The following FAM199X variants were observed in gnomAD, a reference collection of about 807,000 sequenced individuals.
FAM199X encodes protein FAM199X.
FAM199X carries 4 observed loss-of-function variants against 22.9 expected under a neutral mutation model. The ratio of observed to expected loss-of-function variants is 0.17; its 90% CI spans 0.09 to 0.40. The LOEUF (loss-of-function observed/expected upper bound fraction) is 0.40, where lower values mean the gene tolerates loss of function less well. Among genes scored for constraint, FAM199X ranks in the 10% least tolerant of loss-of-function variants. FAM199X has a pLI of 1.00. For synonymous variants in FAM199X, 101 were observed against 112.3 expected (o/e 0.90, Z 0.64); for missense variants, 183 against 306.8 (o/e 0.60, Z 3.01).
intron 4 of FAM199X, 33 bp downstream of exon 4, chrX:104,186,654 TA>T (rs1556379214): frequency 1.1e-5 from 12 of 1,105,508 alleles, no homozygotes; most frequent in Non-Finnish European, 1.5e-5. Context: ...ATTTACCTAT[TA>T]AAAATACCAC....
chrX:104,181,934 C>T (rs1261842733), intron 2 of FAM199X, among the ~76,000 whole-genome samples: 1 of 109,930 alleles, frequency 9.1e-6, no homozygotes, highest in East Asian at 2.8e-4. Context: ...CTCTTTATTA[C>T]CTTATCCATT....
chrX:104,164,158 A>T (rs912513992), upstream of FAM199X, among the ~76,000 whole-genome samples: 1 of 112,718 alleles, frequency 8.9e-6, no homozygotes, highest in African/African-American at 3.2e-5. Context: ...AATGTGGTAT[A>T]TATGATGAAA....
intron 1 of FAM199X, among the ~76,000 whole-genome samples, chrX:104,170,480 C>G (rs1383984486): frequency 9.0e-6 from 1 of 111,173 alleles, no homozygotes; most frequent in Non-Finnish European, 1.9e-5. Flanking sequence ...CTACAGGTTA[C>G]AAAGGTTGAG....
At chrX:104,187,388 A>G (rs1255454404) in intron 4 of FAM199X, among the ~76,000 whole-genome samples, 1 of 112,106 alleles carries the variant, frequency 8.9e-6, no homozygotes, top group East Asian at 2.8e-4. Context: ...GGCCTCTGGT[A>G]TCTTCTAAAT....
At chrX:104,159,481 TC>T in the FAM199X span, among the ~76,000 whole-genome samples, 1 of 112,477 alleles carries the variant, frequency 8.9e-6, no homozygotes, top group East Asian at 2.8e-4. Flanking sequence ...GGAGATGTGT[TC>T]CTAGCATCCT....
chrX:104,187,723 A>G (rs1192546803), intron 4 of FAM199X, among the ~76,000 whole-genome samples: 3 of 111,287 alleles, frequency 2.7e-5, no homozygotes, highest in Non-Finnish European at 5.7e-5. Context: ...AATCTCATCT[A>G]TTTTATTTTA....
chrX:104,165,067 CT>C (rs1280618519), upstream of FAM199X, among the ~76,000 whole-genome samples: 4 of 111,446 alleles, frequency 3.6e-5, no homozygotes, highest in Admixed American at 2.9e-4. Flanking sequence ...CCTCAGACCC[CT>C]GGGGATTGGT....
intron 2 of FAM199X, among the ~76,000 whole-genome samples, chrX:104,184,426 T>C (rs2147895822): frequency 8.9e-6 from 1 of 112,137 alleles, no homozygotes; most frequent in Admixed American, 9.5e-5. Flanking sequence ...TGTCATTTGC[T>C]CCTTGTAGAA....
intron 2 of FAM199X, among the ~76,000 whole-genome samples, chrX:104,180,144 T>G (rs1921609842): frequency 9.3e-6 from 1 of 107,166 alleles, no homozygotes; most frequent in African/African-American, 3.4e-5. Context: ...CAACCAGCTA[T>G]TTTTTTTTAA....
chrX:104,178,600 A>C (rs782264159), intron 2 of FAM199X, among the ~76,000 whole-genome samples: 30 of 111,638 alleles, frequency 2.7e-4, no homozygotes, highest in Admixed American at 9.6e-5. Context: ...ATTATTTTGC[A>C]TGTAGGTATC....
In FAM199X at chrX:104,166,668, G is replaced by A. The variant is rs1233736582; in HGVS notation, c.-118G>A. On this transcript the variant is annotated 5_prime_UTR_variant, in exon 1 of 6. Coordinates refer to ENST00000493442, the MANE Select transcript of FAM199X (RefSeq NM_207318.4). ...GCCGCGACGCCCAGCCTGCCAGTGA[G>A]CTGCGACGGGCACACCCCGGAGCGT... 1.6e-6 allele frequency: 1 copy of A among 639,594 alleles called. No individual in the cohort carries two copies. The highest frequency in any genetic ancestry group is 2.3e-6 in the Non-Finnish European group (1 of 443,938). The allele number at this position is 639,594 out of a possible 1,213,427, so 52.7% of individuals were successfully genotyped here. A position where few individuals can be genotyped will look rare whatever the true frequency, so the allele number is the denominator to read the frequency against.
intron 2 of FAM199X, among the ~76,000 whole-genome samples, chrX:104,183,253 T>C (rs989945429): frequency 2.5e-4 from 26 of 105,223 alleles, no homozygotes; most frequent in African/African-American, 6.8e-4. Flanking sequence ...AAGTATCTCT[T>C]TTTTTTTTTT....
At chrX:104,176,552 T>A (rs1218420597) in intron 2 of FAM199X, among the ~76,000 whole-genome samples, 1 of 112,557 alleles carries the variant, frequency 8.9e-6, no homozygotes, top group African/African-American at 3.2e-5. Flanking sequence ...TCTGAATACT[T>A]GAAGTTTTAT....
intron 5 of FAM199X, among the ~76,000 whole-genome samples, chrX:104,189,024 T>C (rs1556379758): frequency 8.9e-6 from 1 of 112,003 alleles, no homozygotes; most frequent in Non-Finnish European, 1.9e-5. Context: ...GCCAGTTTTG[T>C]TGCTAAGGAA....
rs782573505 is a variant in FAM199X at position 104,193,650 on chromosome X, T to C, written c.*3872T>C. 3 of 111,863 alleles carry C rather than the reference T, an allele frequency of 2.7e-5. No individual in the cohort carries two copies. The highest frequency in any genetic ancestry group is 5.7e-5 in the Non-Finnish European group (3 of 53,015). The allele number at this position is 111,863 out of a possible 1,213,427, so 9.2% of individuals were successfully genotyped here. A position where few individuals can be genotyped will look rare whatever the true frequency, so the allele number is the denominator to read the frequency against. On this transcript the variant is annotated 3_prime_UTR_variant, in exon 6 of 6. Transcript: ENST00000493442. ...AGGAAAATCCCCAGTTGCATTCAAA[T>C]AATAGTGTTGATGTTGAGGGCACTG...
At chrX:104,161,867 A>C, upstream of FAM199X, among the ~76,000 whole-genome samples, 1 of 111,192 alleles carries the variant, frequency 9.0e-6, no homozygotes, top group Admixed American at 9.6e-5. Flanking sequence ...GAAGAAGAAG[A>C]AAATTATATG....
chrX:104,170,489 A>T (rs1470517039), intron 1 of FAM199X, among the ~76,000 whole-genome samples: 1 of 111,937 alleles, frequency 8.9e-6, no homozygotes, highest in African/African-American at 3.3e-5. Flanking sequence ...ACAAAGGTTG[A>T]GAGAGTGGAA....
At chrX:104,161,712 A>T (rs1186360818), upstream of FAM199X, among the ~76,000 whole-genome samples, 1 of 110,380 alleles carries the variant, frequency 9.1e-6, no homozygotes, top group Non-Finnish European at 1.9e-5. Context: ...GTGGTGGTTC[A>T]TGCCTATAAT....
At chrX:104,167,719 T>G (rs1556374363) in intron 1 of FAM199X, among the ~76,000 whole-genome samples, 1 of 111,178 alleles carries the variant, frequency 9.0e-6, no homozygotes, top group Non-Finnish European at 1.9e-5. Flanking sequence ...CTTACACAAA[T>G]TTATTCAGAG....
Sources: gnomAD v4.1 joint callset for allele counts (sites outside exome capture counted in the v4.1 genomes callset) on GRCh38, gnomAD v4.1.1 for gene constraint, MANE v1.5 for transcripts, NCBI Gene and HGNC (gene_info 2026-07-23, HGNC 2026-07-21) for gene names.